The following KLHL4 variants were observed in gnomAD, a reference collection of about 807,000 sequenced individuals.
KLHL4 encodes the protein kelch-like protein 4.
KLHL4 carries 17 observed loss-of-function variants against 45.8 expected under a neutral mutation model. That is an observed-to-expected ratio of 0.37 (90% CI 0.25 to 0.56). The LOEUF (loss-of-function observed/expected upper bound fraction) is 0.56, where lower values mean the gene tolerates loss of function less well. Among genes scored for constraint, KLHL4 ranks in the 20% least tolerant of loss-of-function variants. The pLI is 0.79. For missense variants in KLHL4, 544 were observed against 544.9 expected (o/e 1.00, Z 0.02); for synonymous variants, 224 against 189.9 (o/e 1.18, Z -1.47).
intron 1 of KLHL4, among the ~76,000 whole-genome samples, chrX:87,597,161 T>C (rs1300387594): frequency 8.9e-6 from 1 of 111,978 alleles, no homozygotes; most frequent in Non-Finnish European, 1.9e-5. Flanking sequence ...GAAATTAGTA[T>C]AATAGAGCTT....
chrX:87,581,836 G>C (rs1029357664), intron 1 of KLHL4, among the ~76,000 whole-genome samples: 21 of 112,088 alleles, frequency 1.9e-4, no homozygotes, highest in African/African-American at 6.5e-4. Flanking sequence ...TGCAGGAAGG[G>C]TTCAGAACTG....
At chrX:87,555,584 T>C (rs1302113907) in intron 1 of KLHL4, among the ~76,000 whole-genome samples, 7 of 107,974 alleles carry the variant, frequency 6.5e-5, no homozygotes, top group African/African-American at 2.4e-4. Flanking sequence ...TCATTTTTTA[T>C]TGCGTCTATT....
At chrX:87,613,819 T>C in intron 1 of KLHL4, 58 bp from the exon 2 acceptor site, 2 of 928,815 alleles carry the variant, frequency 2.2e-6, no homozygotes, top group Non-Finnish European at 2.8e-6. Context: ...TAGAGAAAAA[T>C]TAAATTTTTT....
Position 87,669,146 on chromosome X carries a change from A to T in KLHL4, c.*2612A>T. The T allele has an allele frequency of 9.8e-7, 1 of 1,024,725 alleles. No homozygotes were observed. Among genetic ancestry groups the T allele is most frequent in the East Asian group, 3.7e-5 (1 of 26,890 alleles). 84.4% of individuals were successfully genotyped at this position (1,024,725 alleles called of 1,213,427 possible). ...ATGTGTATAGGAAAGGATGTTATTTATATATTCTTACAAGAGTGTAAGGGC... is the reference window on the plus strand; with the variant it reads ...ATGTGTATAGGAAAGGATGTTATTTTTATATTCTTACAAGAGTGTAAGGGC... On this transcript the variant is annotated 3_prime_UTR_variant, in exon 11 of 11. Transcript: ENST00000373119.
At chrX:87,641,306 A>G (rs1045839598) in intron 9 of KLHL4, among the ~76,000 whole-genome samples, 1 of 111,921 alleles carries the variant, frequency 8.9e-6, no homozygotes, top group Non-Finnish European at 1.9e-5. Flanking sequence ...TTGCAGGAGA[A>G]GTTTCCAACT....
At chrX:87,615,180 A>G (rs980201096) in intron 3 of KLHL4, among the ~76,000 whole-genome samples, 4 of 111,276 alleles carry the variant, frequency 3.6e-5, no homozygotes, top group African/African-American at 6.5e-5. Context: ...ATTTTCAAAC[A>G]TTTTTGCTTG....
Position 87,617,997 on chromosome X carries a change from A to G in KLHL4, c.793A>G (p.Thr265Ala). ...GGCTGCAGCTTGTCTTCTGCAGCTGACTCAGGTCATTGATGTTTGCTCCAA... is the reference window on the plus strand; with the variant it reads ...GGCTGCAGCTTGTCTTCTGCAGCTGGCTCAGGTCATTGATGTTTGCTCCAA... ...LLAAACLLQLTQVIDVCSNFL... is the reference protein window; with the variant it reads ...LLAAACLLQLAQVIDVCSNFL... The change falls in exon 4 of 11, where the codon ACT becomes GCT. Residue 265 changes from threonine (T) to alanine (A), a missense_variant. Transcript: ENST00000373119. 1 of 1,210,694 alleles carries G rather than the reference A, an allele frequency of 8.3e-7. No homozygotes were observed. Among genetic ancestry groups the G allele is most frequent in the Non-Finnish European group, 1.1e-6 (1 of 894,787 alleles).
chrX:87,661,977 G>C (rs1018397092), intron 9 of KLHL4, among the ~76,000 whole-genome samples: 1 of 111,678 alleles, frequency 9.0e-6, no homozygotes, highest in Non-Finnish European at 1.9e-5. Context: ...AAGATAAAAT[G>C]TGGTAATGCA....
At chrX:87,609,542 G>C (rs1033765967) in intron 1 of KLHL4, among the ~76,000 whole-genome samples, 1 of 112,037 alleles carries the variant, frequency 8.9e-6, no homozygotes, top group Non-Finnish European at 1.9e-5. Context: ...GTGTCTGTTG[G>C]CTGCATAAAT....
intron 1 of KLHL4, among the ~76,000 whole-genome samples, chrX:87,560,230 T>C (rs1321607224): frequency 2.7e-5 from 3 of 111,699 alleles, no homozygotes; most frequent in African/African-American, 9.8e-5. Context: ...ATTAAAGGAG[T>C]ACTAGAAAAA....
At chrX:87,627,178 G>A (rs1334878883) in intron 6 of KLHL4, among the ~76,000 whole-genome samples, 1 of 111,392 alleles carries the variant, frequency 9.0e-6, no homozygotes, top group Non-Finnish European at 1.9e-5. Flanking sequence ...TTGACCAGAT[G>A]AGTGAGTATG....
intron 1 of KLHL4, among the ~76,000 whole-genome samples, chrX:87,590,708 C>T (rs1007353031): frequency 2.7e-5 from 3 of 111,661 alleles, no homozygotes; most frequent in African/African-American, 9.7e-5. Context: ...CAACTGATTT[C>T]GATGAGGGTG....
At chrX:87,558,657 G>A (rs6617426) in intron 1 of KLHL4, among the ~76,000 whole-genome samples, 27,832 of 110,888 alleles carry the variant, frequency 0.25, 2,953 homozygotes, top group East Asian at 0.51. Flanking sequence ...GACTCAGTTA[G>A]CTATTTCATA....
chrX:87,615,765 A>G (rs1403728874), intron 3 of KLHL4, among the ~76,000 whole-genome samples: 1 of 111,399 alleles, frequency 9.0e-6, no homozygotes, highest in Non-Finnish European at 1.9e-5. Flanking sequence ...CATTAAATGT[A>G]CAAAATAAAA....
intron 3 of KLHL4, 27 bp from the exon 4 acceptor site, chrX:87,617,905 C>T: frequency 1.8e-6 from 2 of 1,141,461 alleles, no homozygotes; most frequent in African/African-American, 1.8e-5. Context: ...AACTTATAAT[C>T]ATTCTTTGCT....
At chrX:87,536,445 C>A (rs951286041) in intron 1 of KLHL4, among the ~76,000 whole-genome samples, 1 of 110,450 alleles carries the variant, frequency 9.1e-6, no homozygotes, top group African/African-American at 3.3e-5. Flanking sequence ...TTAGTCTTCC[C>A]TTGATAGCTA....
chrX:87,586,849 A>T (rs887807137), intron 1 of KLHL4, among the ~76,000 whole-genome samples: 2 of 110,937 alleles, frequency 1.8e-5, no homozygotes, highest in African/African-American at 6.5e-5. Flanking sequence ...TTTGTTTTTT[A>T]AAAAGTTAAA....
Position 87,667,828 on chromosome X carries a change from A to G in KLHL4, c.*1294A>G. 1 of 664,046 alleles carries G rather than the reference A, an allele frequency of 1.5e-6. No individual in the cohort carries two copies. The highest frequency in any genetic ancestry group is 1.8e-6 in the Non-Finnish European group (1 of 557,031). The allele number at this position is 664,046 out of a possible 1,213,427, so 54.7% of individuals were successfully genotyped here. On this transcript the variant is annotated 3_prime_UTR_variant, in exon 11 of 11. Transcript: ENST00000373119. ...GAAATCAAAATCTGGAGAAATGCTT[A>G]TAAAATATACTACTAGCTTTTAAGT... is the stretch of plus-strand genomic sequence containing the variant.
chrX:87,619,999 T>C (rs1228448987), intron 4 of KLHL4, among the ~76,000 whole-genome samples: 1 of 111,710 alleles, frequency 9.0e-6, no homozygotes. Context: ...CCTTCCCTAA[T>C]GTGAATGGGC....
Sources: gnomAD v4.1 joint callset for allele counts (sites outside exome capture counted in the v4.1 genomes callset) on GRCh38, gnomAD v4.1.1 for gene constraint, MANE v1.5 for transcripts, NCBI Gene and HGNC (gene_info 2026-07-23, HGNC 2026-07-21) for gene names.